BLACAT1: variants seen among roughly 807,000 people sequenced by gnomAD.
BLACAT1 encodes the protein bladder cancer associated transcript 1.
At chr1:205,452,003 C>T (rs1315027511) in intron 1 of BLACAT1, among the ~76,000 whole-genome samples, 3 of 151,982 alleles carry the variant, frequency 2.0e-5, no homozygotes, top group Admixed American at 6.6e-5. Flanking sequence ...GGAGCACAGG[C>T]AGAACCGGAG....
chr1:205,442,483 T>C (rs548922047), intron 1 of BLACAT1, among the ~76,000 whole-genome samples: 119 of 152,282 alleles, frequency 7.8e-4, no homozygotes, highest in African/African-American at 2.6e-3. Context: ...TTCGTGTTTC[T>C]CCAGACAGAG....
downstream of BLACAT1, chr1:205,435,750 T>C (rs10900490): frequency 0.72 from 109,766 of 152,088 alleles, 40,623 homozygotes; most frequent in East Asian, 0.92. Flanking sequence ...GGCAGCTCTT[T>C]TCCAGTCTCT....
chr1:205,438,326 C>T (rs1240497812), downstream of BLACAT1, among the ~76,000 whole-genome samples: 1 of 152,238 alleles, frequency 6.6e-6, no homozygotes, highest in Non-Finnish European at 1.5e-5. Context: ...CTCAGGGCCC[C>T]CACCTCAAGG....
At chr1:205,451,551 G>A (rs1157753004) in intron 1 of BLACAT1, among the ~76,000 whole-genome samples, 3 of 152,090 alleles carry the variant, frequency 2.0e-5, no homozygotes, top group Admixed American at 6.6e-5. Context: ...GGCAGGAGTT[G>A]GGGGGAGTGG....
chr1:205,440,089 G>T (rs1336779767), exon 2 of BLACAT1, among the ~76,000 whole-genome samples: 1 of 152,092 alleles, frequency 6.6e-6, no homozygotes, highest in Non-Finnish European at 1.5e-5. Flanking sequence ...GAAAAAGGCA[G>T]GGGAGACAGG....
exon 2 of BLACAT1, among the ~76,000 whole-genome samples, chr1:205,440,139 C>T (rs532528560): frequency 1.3e-5 from 2 of 152,276 alleles, no homozygotes; most frequent in East Asian, 1.9e-4. Flanking sequence ...GGAAAGGGGT[C>T]CCTCAGTCTG....
chr1:205,445,191 T>C (rs1666363210), intron 1 of BLACAT1, among the ~76,000 whole-genome samples: 1 of 151,956 alleles, frequency 6.6e-6, no homozygotes, highest in African/African-American at 2.4e-5. Context: ...ACCTCCTCCC[T>C]CTCCCTCTCC....
intron 1 of BLACAT1, among the ~76,000 whole-genome samples, chr1:205,444,027 G>A (rs1369123059): frequency 3.3e-5 from 5 of 152,120 alleles, no homozygotes; most frequent in African/African-American, 4.8e-5. Context: ...GCTCCCTGAA[G>A]TCAGGTCCCC....
chr1:205,439,084 G>C (rs1337403855), downstream of BLACAT1, among the ~76,000 whole-genome samples: 1 of 152,124 alleles, frequency 6.6e-6, no homozygotes, highest in South Asian at 2.1e-4. Context: ...GCAGGTGACC[G>C]CTAGGGAAAC....
At position 205,448,428 on chromosome 1, in the gene BLACAT1, G is replaced by A. The variant is rs562344206; in HGVS notation, c.-36-7366C>T. ...GGTCCAGCGGCAGGAATCTCATAGG[G>A]AAGCGAGAAGCTGGGGCACCCGAGA... is the stretch of plus-strand genomic sequence containing the variant. On this transcript the variant is annotated intron_variant, in intron 1 of 1. Transcript: ENST00000629624. The surrounding 1 kb of genome is among the most constrained non-coding windows in gnomAD (Gnocchi z 4.7). The A allele has an allele frequency of 3.8e-6, 2 of 532,656 alleles. No individual in the cohort carries two copies. Among genetic ancestry groups the A allele is most frequent in the East Asian group, 1.1e-4 (2 of 18,340 alleles). The allele number at this position is 532,656 out of a possible 1,614,324, so 33.0% of individuals were successfully genotyped here.
At chr1:205,452,518 C>T (rs976106876) in intron 1 of BLACAT1, among the ~76,000 whole-genome samples, 12 of 152,220 alleles carry the variant, frequency 7.9e-5, no homozygotes, top group African/African-American at 2.9e-4. Context: ...GGTGCACAGC[C>T]ACTTCTCAGA....
intron 1 of BLACAT1, among the ~76,000 whole-genome samples, chr1:205,446,245 T>C (rs766259308): frequency 2.6e-5 from 4 of 152,188 alleles, no homozygotes; most frequent in Non-Finnish European, 5.9e-5. Flanking sequence ...AGACAAAGAA[T>C]AGAATGGAGA....
chr1:205,443,592 G>C (rs1666333206), intron 1 of BLACAT1, among the ~76,000 whole-genome samples: 1 of 152,124 alleles, frequency 6.6e-6, no homozygotes, highest in African/African-American at 2.4e-5. Flanking sequence ...TGGGATTCCT[G>C]GGTCCTTGTA....
chr1:205,438,921 C>T (rs1666251007), downstream of BLACAT1, among the ~76,000 whole-genome samples: 1 of 152,190 alleles, frequency 6.6e-6, no homozygotes, highest in South Asian at 2.1e-4. Flanking sequence ...CTCTCCTCGG[C>T]CACCCGCTCC....
chr1:205,452,031 G>A (rs914722772), intron 1 of BLACAT1, among the ~76,000 whole-genome samples: 8 of 152,144 alleles, frequency 5.3e-5, no homozygotes, highest in Admixed American at 2.0e-4. Flanking sequence ...GGAGAGATGA[G>A]GGGGCCTGGG....
intron 1 of BLACAT1, among the ~76,000 whole-genome samples, chr1:205,442,594 T>C (rs1383902642): frequency 6.6e-6 from 1 of 152,148 alleles, no homozygotes; most frequent in African/African-American, 2.4e-5. Flanking sequence ...CTAATAGCTG[T>C]AATTAATAGG....
intron 1 of BLACAT1, among the ~76,000 whole-genome samples, chr1:205,445,228 C>G (rs529901928): frequency 6.6e-6 from 1 of 152,266 alleles, no homozygotes; most frequent in East Asian, 1.9e-4. Flanking sequence ...GCCTCCTTCC[C>G]CACCCCTTCC....
intron 1 of BLACAT1, among the ~76,000 whole-genome samples, chr1:205,453,683 G>T (rs1462238861): frequency 2.0e-5 from 3 of 152,066 alleles, no homozygotes; most frequent in Admixed American, 1.3e-4. Context: ...AGCTGGGGGA[G>T]TCTCCGCAGC....
Position 205,450,389 on chromosome 1 carries a change from T to A in BLACAT1, c.-37+5528A>T, listed in dbSNP as rs568888619. ...CTGCCGCTCCCCTCCAGCTTTTTTA[T>A]AGTTTAATTTTTGGCAGGAGACCTG... On this transcript the variant is annotated intron_variant, in intron 1 of 1. Coordinates refer to ENST00000629624, the Ensembl canonical transcript of BLACAT1. This position sits in a 1 kb window ranked among gnomAD's most constrained non-coding sequence, Gnocchi z 4.4. 6.6e-6 allele frequency among the ~76,000 whole-genome samples: 1 copy of A among 151,054 alleles called. No individual in the cohort carries two copies. The highest frequency in any genetic ancestry group is 2.4e-5 in the African/African-American group (1 of 41,030).
Sources: gnomAD v4.1 joint callset for allele counts (sites outside exome capture counted in the v4.1 genomes callset) on GRCh38, gnomAD v4.1.1 for gene constraint, Gnocchi (gnomAD v3.1) non-coding constraint, MANE v1.5 for transcripts, NCBI Gene and HGNC (gene_info 2026-07-23, HGNC 2026-07-21) for gene names.